The following SNTG2 variants were observed in gnomAD, a reference collection of about 807,000 sequenced individuals.
SNTG2 encodes gamma-2-syntrophin.
Under a neutral mutation model 70.9 loss-of-function variants are expected in SNTG2, and 74 were observed. That is an observed-to-expected ratio of 1.04 (90% CI 0.86 to 1.27). The LOEUF (loss-of-function observed/expected upper bound fraction) is 1.27. SNTG2 is among the 50% of genes most tolerant of loss of function. The probability of loss-of-function intolerance (pLI) is 0.00; values close to 1 mark genes in which losing one functional copy is unlikely to be tolerated. For synonymous variants in SNTG2, 278 were observed against 273.8 expected (o/e 1.02, Z -0.15); for missense variants, 717 against 690.7 (o/e 1.04, Z -0.43).
intron 4 of SNTG2, among the ~76,000 whole-genome samples, chr2:1,105,409 T>G (rs1572443096): frequency 6.6e-6 from 1 of 152,170 alleles, no homozygotes; most frequent in African/African-American, 2.4e-5. Flanking sequence ...TTTAAATTCT[T>G]AGATATGGTG....
intron 8 of SNTG2, among the ~76,000 whole-genome samples, chr2:1,191,982 CTT>C (rs938467107): frequency 6.6e-6 from 1 of 151,870 alleles, no homozygotes; most frequent in Non-Finnish European, 1.5e-5. Context: ...AAGTAAATAA[CTT>C]AGGATCTTCA....
At chr2:1,038,744 A>G (rs1661269627) in intron 1 of SNTG2, among the ~76,000 whole-genome samples, 1 of 152,236 alleles carries the variant, frequency 6.6e-6, no homozygotes. Flanking sequence ...GTGAGCATGA[A>G]AAGCCTGGTA....
chr2:1,307,204 G>A (rs1010606531), intron 14 of SNTG2, among the ~76,000 whole-genome samples: 31 of 149,042 alleles, frequency 2.1e-4, no homozygotes, highest in African/African-American at 7.5e-4. Context: ...TTGTGTGTCT[G>A]TATGTCTGTG....
At chr2:959,208 A>G (rs897260902) in intron 1 of SNTG2, among the ~76,000 whole-genome samples, 9 of 152,220 alleles carry the variant, frequency 5.9e-5, no homozygotes, top group Non-Finnish European at 1.5e-5. Flanking sequence ...AAGCTTTCCT[A>G]TCAGAACAAG....
chr2:1,290,505 G>A (rs1274771947), intron 14 of SNTG2, among the ~76,000 whole-genome samples: 2 of 152,064 alleles, frequency 1.3e-5, no homozygotes, highest in Non-Finnish European at 2.9e-5. Context: ...AGTAGAGACG[G>A]GGTTTTGCCA....
At chr2:1,178,454 C>T (rs971663792) in intron 8 of SNTG2, among the ~76,000 whole-genome samples, 2 of 152,028 alleles carry the variant, frequency 1.3e-5, no homozygotes, top group South Asian at 4.2e-4. Flanking sequence ...ATAGATAGCT[C>T]TTATTATTTT....
At chr2:1,266,547 G>C (rs998839892) in intron 13 of SNTG2, among the ~76,000 whole-genome samples, 1 of 152,142 alleles carries the variant, frequency 6.6e-6, no homozygotes, top group Non-Finnish European at 1.5e-5. Context: ...GGGTGGCCGG[G>C]TGCCTTGTCA....
chr2:1,079,987 C>A (rs1256060191), intron 1 of SNTG2, among the ~76,000 whole-genome samples: 1 of 152,244 alleles, frequency 6.6e-6, no homozygotes, highest in Admixed American at 6.5e-5. Context: ...ACGCTGCTCA[C>A]CACGCATCTG....
At chr2:973,913 T>C (rs1241846721) in intron 1 of SNTG2, among the ~76,000 whole-genome samples, 1 of 152,200 alleles carries the variant, frequency 6.6e-6, no homozygotes, top group African/African-American at 2.4e-5. Flanking sequence ...ATTTTCCATC[T>C]GTCCATGTGT....
intron 1 of SNTG2, among the ~76,000 whole-genome samples, chr2:958,039 C>T (rs1465376775): frequency 1.3e-5 from 2 of 152,166 alleles, no homozygotes; most frequent in Non-Finnish European, 2.9e-5. Flanking sequence ...CTAACATCTA[C>T]TAGGTACTAA....
intron 1 of SNTG2, among the ~76,000 whole-genome samples, chr2:994,251 A>G (rs1218318363): frequency 6.6e-6 from 1 of 152,098 alleles, no homozygotes; most frequent in Non-Finnish European, 1.5e-5. Context: ...TCATATTTTC[A>G]AAAGTCTTTT....
At chr2:1,092,878 G>T (rs10460596) in intron 2 of SNTG2, among the ~76,000 whole-genome samples, 1 of 151,960 alleles carries the variant, frequency 6.6e-6, no homozygotes, top group South Asian at 2.1e-4. Flanking sequence ...TTAATTAAAT[G>T]TCATAACATA....
intron 1 of SNTG2, among the ~76,000 whole-genome samples, chr2:1,047,036 C>A (rs1483287078): frequency 6.6e-6 from 1 of 152,062 alleles, no homozygotes; most frequent in Non-Finnish European, 1.5e-5. Context: ...TCTCATATTC[C>A]TTGGAGATGT....
intron 1 of SNTG2, among the ~76,000 whole-genome samples, chr2:954,191 G>A (rs896701537): frequency 6.6e-6 from 1 of 152,142 alleles, no homozygotes; most frequent in Non-Finnish European, 1.5e-5. Flanking sequence ...GACACAGGCA[G>A]GTGCTCGTGG....
intron 16 of SNTG2, among the ~76,000 whole-genome samples, chr2:1,325,091 C>T (rs1213382255): frequency 6.6e-5 from 10 of 152,194 alleles, no homozygotes; most frequent in East Asian, 1.9e-4. Context: ...ATAAAGTCAA[C>T]GTCAGTTCCT....
intron 9 of SNTG2, among the ~76,000 whole-genome samples, chr2:1,232,045 C>T (rs1024374885): frequency 6.6e-6 from 1 of 152,152 alleles, no homozygotes; most frequent in Non-Finnish European, 1.5e-5. Flanking sequence ...CATCGTGCTC[C>T]AGTGCCCCAC....
intron 4 of SNTG2, among the ~76,000 whole-genome samples, chr2:1,137,046 CA>C (rs2148330142): frequency 6.6e-6 from 1 of 152,280 alleles, no homozygotes; most frequent in South Asian, 2.1e-4. Context: ...ATTCGTTTTC[CA>C]CACTAAACAA....
chr2:1,116,524 G>A (rs2148273372), intron 4 of SNTG2, among the ~76,000 whole-genome samples: 2 of 151,210 alleles, frequency 1.3e-5, no homozygotes, highest in Middle Eastern at 3.4e-3. Flanking sequence ...GTGTGTGGGT[G>A]CTCCAGTGTA....
At chr2:1,256,893 G>C (rs781102866) in intron 12 of SNTG2, among the ~76,000 whole-genome samples, 17 of 152,110 alleles carry the variant, frequency 1.1e-4, no homozygotes, top group Non-Finnish European at 2.2e-4. Flanking sequence ...GGCTGGGTCT[G>C]AGCTGAGTCC....
Sources: gnomAD v4.1 joint callset for allele counts (sites outside exome capture counted in the v4.1 genomes callset) on GRCh38, gnomAD v4.1.1 for gene constraint, MANE v1.5 for transcripts, NCBI Gene and HGNC (gene_info 2026-07-23, HGNC 2026-07-21) for gene names.